NEBL: variants seen among roughly 807,000 people sequenced by gnomAD.
The protein encoded by NEBL is nebulette, also known as LIM and SH3 protein 2.
NEBL carries 122 observed loss-of-function variants against 140.2 expected under a neutral mutation model. The ratio of observed to expected loss-of-function variants is 0.87; its 90% confidence interval spans 0.75 to 1.01. NEBL has a LOEUF of 1.01. Ranked by LOEUF, NEBL falls within the 50% of genes least tolerant of loss-of-function variation. The pLI, the probability that NEBL is intolerant of heterozygous loss-of-function variation, is 0.00. For synonymous variants in NEBL, 436 were observed against 398.9 expected (o/e 1.09, Z -1.11); for missense variants, 1,365 against 1,231.3 (o/e 1.11, Z -1.62).
At chr10:20,828,992 C>T (rs1840148175) in intron 16 of NEBL, among the ~76,000 whole-genome samples, 1 of 152,090 alleles carries the variant, frequency 6.6e-6, no homozygotes, top group African/African-American at 2.4e-5. Flanking sequence ...ATATCTTATC[C>T]TAGTACCAGC....
intron 12 of NEBL, among the ~76,000 whole-genome samples, chr10:20,844,296 T>C (rs1265090193): frequency 6.6e-6 from 1 of 151,928 alleles, no homozygotes; most frequent in African/African-American, 2.4e-5. Flanking sequence ...GTTTCCTCAG[T>C]TCAAAAATTC....
At chr10:21,197,575 G>T in intron 3 of NEBL, among the ~76,000 whole-genome samples, 1 of 152,110 alleles carries the variant, frequency 6.6e-6, no homozygotes, top group East Asian at 1.9e-4. Context: ...AAACAAAAAT[G>T]AAAATAAGTC....
chr10:21,199,202 T>C (rs1841696733), intron 3 of NEBL, among the ~76,000 whole-genome samples: 1 of 151,738 alleles, frequency 6.6e-6, no homozygotes, highest in Non-Finnish European at 1.5e-5. Flanking sequence ...ATTTTAATTT[T>C]TGTGTTTTTA....
At chr10:20,858,960 C>T (rs971295951) in intron 8 of NEBL, among the ~76,000 whole-genome samples, 16 of 152,090 alleles carry the variant, frequency 1.1e-4, no homozygotes, top group African/African-American at 3.9e-4. Flanking sequence ...CTTGATAAAA[C>T]AGGATTTAGA....
At chr10:21,275,899 CT>C (rs1842917181) in intron 1 of NEBL, among the ~76,000 whole-genome samples, 1 of 145,600 alleles carries the variant, frequency 6.9e-6, no homozygotes, top group African/African-American at 2.6e-5. Flanking sequence ...CTCAGGCGAT[CT>C]GCCTGCCTCA....
intron 2 of NEBL, among the ~76,000 whole-genome samples, chr10:21,097,877 T>C (rs950070750): frequency 2.0e-5 from 3 of 152,178 alleles, no homozygotes; most frequent in African/African-American, 7.2e-5. Context: ...AAGACTCTAG[T>C]AGCACAAGGG....
In NEBL at chr10:20,868,698, T is replaced by C. The variant is rs755291598; in HGVS notation, c.650A>G (p.Glu217Gly). The C allele has an allele frequency of 5.0e-6, 8 of 1,612,690 alleles. No homozygotes were observed. The African/African-American group carries it at 8.0e-5, about 16-fold the overall frequency. The change falls in exon 7 of 28, where the codon GAA becomes GGA. Residue 217 changes from glutamate (E) to glycine (G), a missense_variant. Physicochemically the swap from Glu to Gly is moderately conservative, Grantham distance 98 (BLOSUM62 -2). This residue lies in a region of NEBL where 1,323 missense variants were observed against 1,154.8 expected (regional missense o/e 1.15). Transcript: ENST00000377122. Reference protein sequence around the residue: ...EPAVIGRPDFEHAVEASKLSS... With the variant: ...EPAVIGRPDFGHAVEASKLSS... ...AAGTTTAGAAGCTTCCACGGCATGT[T>C]CAAAATCTGGTCTTCCAATTACAGC...
intron 4 of NEBL, among the ~76,000 whole-genome samples, chr10:20,941,927 T>G (rs992333530): frequency 1.1e-3 from 162 of 151,838 alleles, no homozygotes; most frequent in South Asian, 4.0e-3. Context: ...CACTGCTCAA[T>G]GAAATAAAAG....
chr10:20,999,313 C>G (rs1437446067), intron 3 of NEBL, among the ~76,000 whole-genome samples: 1 of 152,162 alleles, frequency 6.6e-6, no homozygotes, highest in African/African-American at 2.4e-5. Flanking sequence ...AAATACAAGC[C>G]AGGCTGGATG....
chr10:21,172,812 G>T (rs1841140140), intron 1 of NEBL, among the ~76,000 whole-genome samples: 2 of 152,216 alleles, frequency 1.3e-5, no homozygotes, highest in Admixed American at 1.3e-4. Flanking sequence ...GAGTGGCTTC[G>T]AAACCAAAAG....
chr10:20,977,696 T>C (rs1836861857), intron 3 of NEBL, among the ~76,000 whole-genome samples: 1 of 152,164 alleles, frequency 6.6e-6, no homozygotes, highest in Non-Finnish European at 1.5e-5. Flanking sequence ...GTGAAATCAG[T>C]GGTGTTAGCT....
At chr10:20,953,729 A>G (rs1835629319) in intron 4 of NEBL, among the ~76,000 whole-genome samples, 1 of 151,394 alleles carries the variant, frequency 6.6e-6, no homozygotes. Context: ...AAGCAGCACC[A>G]AAAAGAAAAG....
chr10:21,282,743 T>C (rs1843008171), intron 1 of NEBL, among the ~76,000 whole-genome samples: 1 of 152,254 alleles, frequency 6.6e-6, no homozygotes, highest in African/African-American at 2.4e-5. Context: ...CTGGGCTGCA[T>C]TCCCAGACAG....
At chr10:20,816,977 A>C (rs1054335519) in intron 21 of NEBL, among the ~76,000 whole-genome samples, 2 of 152,120 alleles carry the variant, frequency 1.3e-5, no homozygotes, top group Non-Finnish European at 2.9e-5. Flanking sequence ...AAGGGAGGGA[A>C]AATGTTTGTT....
chr10:21,184,728 A>G (rs1357869612), intron 3 of NEBL, among the ~76,000 whole-genome samples: 1 of 152,226 alleles, frequency 6.6e-6, no homozygotes, highest in East Asian at 1.9e-4. Context: ...GTAAAACATA[A>G]TGTTAAATAG....
chr10:21,030,428 G>A (rs186822196), intron 2 of NEBL: 193 of 642,928 alleles, frequency 3.0e-4, no homozygotes, highest in African/African-American at 2.7e-3. Context: ...CAGTAAGGAG[G>A]AAGACTGTCA....
At chr10:21,152,443 T>C (rs889425450) in intron 2 of NEBL, among the ~76,000 whole-genome samples, 2 of 152,120 alleles carry the variant, frequency 1.3e-5, no homozygotes, top group African/African-American at 4.8e-5. Context: ...GTATCCAACA[T>C]TGACAAACCT....
chr10:21,285,572 G>C (rs1409482209), intron 1 of NEBL, among the ~76,000 whole-genome samples: 1 of 152,118 alleles, frequency 6.6e-6, no homozygotes, highest in African/African-American at 2.4e-5. Context: ...AACCACCTTG[G>C]GGACATGTCG....
chr10:21,112,881 G>A, intron 2 of NEBL: 1 of 333,172 alleles, frequency 3.0e-6, no homozygotes, highest in Non-Finnish European at 5.7e-6. Context: ...ACAGTATTTA[G>A]TATCTGTGGA....
Sources: allele counts gnomAD v4.1 joint callset (sites outside exome capture counted in the v4.1 genomes callset), GRCh38; gene constraint gnomAD v4.1.1; regional missense constraint gnomAD v4.1.1; transcripts MANE v1.5; gene names NCBI Gene and HGNC (gene_info 2026-07-23, HGNC 2026-07-21).